Variants in USP45 observed in about 807,000 individuals in gnomAD.
The protein encoded by USP45 is ubiquitin carboxyl-terminal hydrolase 45.
Under a neutral mutation model 95.8 loss-of-function variants are expected in USP45, and 89 were observed. The observed-to-expected ratio is 0.93, with a 90% CI of 0.78 to 1.11. The LOEUF (loss-of-function observed/expected upper bound fraction) is 1.11. USP45 is among the 50% of genes least tolerant of loss of function. The pLI is 0.00. For synonymous variants in USP45, 281 were observed against 316.2 expected, an observed-to-expected ratio of 0.89 and a Z score of 1.18; for missense variants, 898 against 942.5, an observed-to-expected ratio of 0.95 and a Z score of 0.62.
chr6:99,509,791 T>C (rs1019581944), intron 2 of USP45, among the ~76,000 whole-genome samples: 6 of 152,088 alleles, frequency 3.9e-5, no homozygotes, highest in African/African-American at 1.4e-4. Flanking sequence ...GAGTAACAGA[T>C]TTCTTAATTA....
chr6:99,433,015 A>G lies in USP45; in HGVS notation c.*2701T>C, dbSNP rs528360783. On this transcript the variant is annotated 3_prime_UTR_variant, in exon 18 of 18. Coordinates refer to ENST00000500704, the MANE Select transcript of USP45 (RefSeq NM_001346022.3). Reference sequence around the variant, plus strand: ...TGTCTTCTTTTTATTTATTTTTGAGACAGGGTCTCACTCCGTCACTCTGCA... The same window carrying G: ...TGTCTTCTTTTTATTTATTTTTGAGGCAGGGTCTCACTCCGTCACTCTGCA... 5 of 152,270 alleles carry G rather than the reference A, an allele frequency of 3.3e-5. No individual in the cohort carries two copies. In the East Asian group the frequency reaches 9.7e-4, roughly 29 times the overall value. 9.4% of individuals were successfully genotyped at this position (152,270 alleles called of 1,614,324 possible). A position where few individuals can be genotyped will look rare whatever the true frequency, so the allele number is the denominator to read the frequency against.
At chr6:99,447,516 C>T (rs3886048) in intron 13 of USP45, among the ~76,000 whole-genome samples, 22,339 of 152,108 alleles carry the variant, frequency 0.15, 2,358 homozygotes, top group Non-Finnish European at 0.21. Flanking sequence ...ACATATAATA[C>T]TAACAGTTGG....
intron 15 of USP45, among the ~76,000 whole-genome samples, chr6:99,441,254 G>A (rs541797430): frequency 3.9e-5 from 6 of 152,176 alleles, no homozygotes; most frequent in Admixed American, 3.9e-4. Context: ...TTACTCGGCC[G>A]GGCACGGTGG....
rs1779979024 is a variant in USP45 at position 99,433,240 on chromosome 6, A to ATT, written c.*2474_*2475dup. ...ATGACAATATTGGCACATAATCAAT[A>ATT]TTTTATCATTTTATATTTGGAAAAA... is the stretch of plus-strand genomic sequence containing the variant. On this transcript the variant is annotated 3_prime_UTR_variant, in exon 18 of 18. Coordinates refer to ENST00000500704, the MANE Select transcript of USP45 (RefSeq NM_001346022.3). The ATT allele has an allele frequency of 6.6e-6, 1 of 152,660 alleles. No individual in the cohort carries two copies. Among genetic ancestry groups the ATT allele is most frequent in the African/African-American group, 2.4e-5 (1 of 41,466 alleles). The allele number at this position is 152,660 out of a possible 1,614,324, so 9.5% of individuals were successfully genotyped here.
chr6:99,485,023 A>G (rs1407904227), intron 7 of USP45, among the ~76,000 whole-genome samples: 1 of 151,950 alleles, frequency 6.6e-6, no homozygotes. Context: ...TGAGGAAATA[A>G]CCTTAGTTTT....
upstream of USP45, among the ~76,000 whole-genome samples, chr6:99,515,770 C>CTTTTTTTTTTTTTTTTTTTTTTTTTTTT (rs56926251): frequency 1.1e-5 from 1 of 88,468 alleles, no homozygotes; most frequent in African/African-American, 4.8e-5. Context: ...CCTCTGAACT[C>CTTTTTTTTTTTTTTTTTTTTTTTTTTTT]TTTTTTTTTT....
intron 8 of USP45, among the ~76,000 whole-genome samples, chr6:99,479,980 T>G (rs768252448): frequency 1.3e-5 from 2 of 152,190 alleles, no homozygotes; most frequent in Non-Finnish European, 2.9e-5. Flanking sequence ...CATTTGCCAA[T>G]GACATTGTCT....
upstream of USP45, among the ~76,000 whole-genome samples, chr6:99,517,616 T>A (rs1801191220): frequency 6.6e-6 from 1 of 150,936 alleles, no homozygotes; most frequent in African/African-American, 2.4e-5. Flanking sequence ...TTTTTTTTTT[T>A]TGTATTTTAG....
chr6:99,441,632 T>C (rs1781546042), intron 15 of USP45, among the ~76,000 whole-genome samples: 2 of 152,166 alleles, frequency 1.3e-5, no homozygotes, highest in Admixed American at 1.3e-4. Context: ...TAAATGAAAA[T>C]GTCTCTATCT....
At chr6:99,487,097 T>C (rs1232815594) in intron 7 of USP45, among the ~76,000 whole-genome samples, 2 of 152,338 alleles carry the variant, frequency 1.3e-5, no homozygotes, top group African/African-American at 4.8e-5. Context: ...AGAGGTTTAC[T>C]CTAGAGTGAA....
chr6:99,503,892 T>C lies in USP45; in HGVS notation c.378-27A>G, dbSNP rs11751123. 3.4e-3 allele frequency: 4,936 copies of C among 1,438,492 alleles called. 17 individuals carry two copies. Among genetic ancestry groups the C allele is most frequent in the Non-Finnish European group, 4.2e-3 (4,407 of 1,061,334 alleles). 89.1% of individuals were successfully genotyped at this position (1,438,492 alleles called of 1,614,324 possible). ...TGAAAAAGTATAAAATTTAAGAAAA[T>C]ATTATGAAAATATTCTCAATAATTT... On this transcript the variant is annotated intron_variant, in intron 4 of 17. Coordinates refer to ENST00000500704, the MANE Select transcript of USP45 (RefSeq NM_001346022.3).
chr6:99,445,502 T>G (rs1782359977), intron 14 of USP45, among the ~76,000 whole-genome samples: 1 of 151,282 alleles, frequency 6.6e-6, no homozygotes, highest in Non-Finnish European at 1.5e-5. Context: ...AAAAAAAAGT[T>G]GTAGGGATAT....
intron 5 of USP45, among the ~76,000 whole-genome samples, chr6:99,490,719 A>C (rs1794988838): frequency 6.6e-6 from 1 of 152,050 alleles, no homozygotes; most frequent in South Asian, 2.1e-4. Context: ...TTAGCTTCTT[A>C]CGTCTCTGAC....
intron 6 of USP45, 98 bp downstream of exon 6, chr6:99,488,583 G>A: frequency 7.7e-7 from 1 of 1,296,668 alleles, no homozygotes; most frequent in Non-Finnish European, 1.1e-6. Flanking sequence ...ATTTCTAGAG[G>A]AACATTTAGC....
chr6:99,463,725 T>A (rs1183417489), intron 13 of USP45, among the ~76,000 whole-genome samples: 8 of 140,540 alleles, frequency 5.7e-5, no homozygotes, highest in African/African-American at 2.1e-4. Flanking sequence ...GGCAGGAGAA[T>A]CGCTTGAACC....
intron 11 of USP45, 72 bp downstream of exon 11, chr6:99,466,600 G>A: frequency 7.8e-7 from 1 of 1,284,814 alleles, no homozygotes; most frequent in South Asian, 1.3e-5. Flanking sequence ...ATGATTATAT[G>A]TGAAAGAAAA....
chr6:99,483,560 C>A (rs896636896), intron 7 of USP45, among the ~76,000 whole-genome samples: 3 of 152,130 alleles, frequency 2.0e-5, no homozygotes, highest in Admixed American at 2.0e-4. Context: ...ATCTTCCGGC[C>A]GGGCGCGGTG....
chr6:99,496,957 T>C (rs536776475), intron 5 of USP45, among the ~76,000 whole-genome samples: 1 of 152,158 alleles, frequency 6.6e-6, no homozygotes, highest in Non-Finnish European at 1.5e-5. Context: ...CTAGTTTACA[T>C]CAGGGTTCAC....
Position 99,434,345 on chromosome 6 carries a change from C to A in USP45, c.*1371G>T, listed in dbSNP as rs1439567748. The A allele has an allele frequency of 6.6e-6, 1 of 152,164 alleles. No individual in the cohort carries two copies. The highest frequency in any genetic ancestry group is 1.5e-5 in the Non-Finnish European group (1 of 68,014). The allele number at this position is 152,164 out of a possible 1,614,324, so 9.4% of individuals were successfully genotyped here. A position where few individuals can be genotyped will look rare whatever the true frequency, so the allele number is the denominator to read the frequency against. ...GCAGCCACTATTCTTATCCTTTCTT[C>A]CCAGGAGGAGAATGAAGTGGGACTA... On this transcript the variant is annotated 3_prime_UTR_variant, in exon 18 of 18. Coordinates refer to ENST00000500704, the MANE Select transcript of USP45 (RefSeq NM_001346022.3).
Sources: allele counts gnomAD v4.1 joint callset (sites outside exome capture counted in the v4.1 genomes callset), GRCh38; gene constraint gnomAD v4.1.1; transcripts MANE v1.5; gene names NCBI Gene and HGNC (gene_info 2026-07-23, HGNC 2026-07-21).